The following CDH12 variants were observed in gnomAD, a reference collection of about 807,000 sequenced individuals.
CDH12 encodes the protein cadherin 12.
Under a neutral mutation model 74.1 loss-of-function variants are expected in CDH12, and 41 were observed. The observed-to-expected ratio is 0.55, with a 90% CI of 0.43 to 0.72. The LOEUF (loss-of-function observed/expected upper bound fraction) is 0.72. Ranked by LOEUF, CDH12 falls within the 30% of genes least tolerant of loss-of-function variation. CDH12 has a pLI of 0.00. For synonymous variants in CDH12, 399 were observed against 355.0 expected, an observed-to-expected ratio of 1.12 and a Z score of -1.39; for missense variants, 945 against 977.2, an observed-to-expected ratio of 0.97 and a Z score of 0.44.
chr5:22,812,553 A>G (rs996174512), intron 1 of CDH12, among the ~76,000 whole-genome samples: 1 of 152,178 alleles, frequency 6.6e-6, no homozygotes, highest in Non-Finnish European at 1.5e-5. Flanking sequence ...TGGCCCTGAC[A>G]GTATGTGACA....
At chr5:21,928,105 T>G (rs1361629112) in intron 6 of CDH12, among the ~76,000 whole-genome samples, 1 of 151,968 alleles carries the variant, frequency 6.6e-6, no homozygotes, top group African/African-American at 2.4e-5. Flanking sequence ...TGAAAACATT[T>G]GACTATGGTA....
In CDH12 at chr5:22,698,747, T is replaced by A. The variant is rs1250299563; in HGVS notation, c.-523+154311A>T. Among the ~76,000 whole-genome samples, 117 of 119,932 alleles carry A rather than the reference T, an allele frequency of 9.8e-4. 9 individuals carry two copies. Among genetic ancestry groups the A allele is most frequent in the African/African-American group, 2.8e-3 (88 of 31,050 alleles). The allele number at this position is 119,932 out of a possible 152,430, so 78.7% of individuals were successfully genotyped here. Reference sequence around the variant, plus strand: ...TATATATATATATAGTGTGTGTGTGTGTGTGTGTGTGTGTGTGTGTGTGAA... The same window carrying A: ...TATATATATATATAGTGTGTGTGTGAGTGTGTGTGTGTGTGTGTGTGTGAA... On this transcript the variant is annotated intron_variant, in intron 1 of 14. Coordinates refer to ENST00000382254, the MANE Select transcript of CDH12 (RefSeq NM_004061.5).
intron 9 of CDH12, among the ~76,000 whole-genome samples, chr5:21,805,416 C>T (rs1747376336): frequency 1.3e-5 from 2 of 152,084 alleles, no homozygotes; most frequent in Non-Finnish European, 2.9e-5. Flanking sequence ...GACCCCTGAC[C>T]TATAACAGCA....
At chr5:22,448,929 T>C (rs1035491606) in intron 2 of CDH12, among the ~76,000 whole-genome samples, 1 of 151,984 alleles carries the variant, frequency 6.6e-6, no homozygotes, top group African/African-American at 2.4e-5. Flanking sequence ...AGTGCAATTA[T>C]GTTAGTGTCA....
At chr5:22,510,468 A>T (rs184425386) in intron 1 of CDH12, among the ~76,000 whole-genome samples, 2 of 152,314 alleles carry the variant, frequency 1.3e-5, no homozygotes, top group East Asian at 3.9e-4. Flanking sequence ...AAAAGAACAG[A>T]CTTTTAAATA....
At chr5:22,117,492 T>TATATATAATATATATATA (rs1745223800) in intron 4 of CDH12, among the ~76,000 whole-genome samples, 15 of 73,688 alleles carry the variant, frequency 2.0e-4, no homozygotes, top group African/African-American at 9.4e-4. Flanking sequence ...ATATATATTA[T>TATATATAATATATATATA]ATATATATAA....
In CDH12 at chr5:22,581,145, G is replaced by A. The variant is rs891037558; in HGVS notation, c.-522-75781C>T. 2.0e-5 allele frequency among the ~76,000 whole-genome samples: 3 copies of A among 152,186 alleles called. No individual in the cohort carries two copies. The South Asian group carries it at 6.2e-4, about 32-fold the overall frequency. ...TCAAATATGAATCCCCAAGACAATG[G>A]GGAAAATGTTTCCAGGGCATGTCAG... On this transcript the variant is annotated intron_variant, in intron 1 of 14. Transcript: ENST00000382254.
chr5:22,733,045 T>C (rs543708592), intron 1 of CDH12, among the ~76,000 whole-genome samples: 57 of 152,112 alleles, frequency 3.7e-4, no homozygotes, highest in Admixed American at 3.2e-3. Context: ...AGGTGTATCA[T>C]GCCAAAACAA....
intron 3 of CDH12, among the ~76,000 whole-genome samples, chr5:22,298,588 T>G (rs910844808): frequency 4.6e-5 from 7 of 152,112 alleles, no homozygotes; most frequent in Admixed American, 3.3e-4. Flanking sequence ...TACATACAGC[T>G]TTTTTACATA....
At chr5:22,348,956 T>C (rs1015953518) in intron 3 of CDH12, among the ~76,000 whole-genome samples, 1 of 152,160 alleles carries the variant, frequency 6.6e-6, no homozygotes, top group African/African-American at 2.4e-5. Flanking sequence ...AAAATTCATA[T>C]GTTAAAATCC....
intron 1 of CDH12, among the ~76,000 whole-genome samples, chr5:22,613,462 G>A (rs1737520230): frequency 6.6e-6 from 1 of 151,910 alleles, no homozygotes; most frequent in African/African-American, 2.4e-5. Context: ...TACATTGAAA[G>A]TCAAAATGTT....
chr5:22,769,564 C>T (rs560680974), intron 1 of CDH12, among the ~76,000 whole-genome samples: 15 of 152,018 alleles, frequency 9.9e-5, no homozygotes, highest in Non-Finnish European at 2.1e-4. Context: ...CGTGGGACTT[C>T]GCCCTGTGAT....
intron 3 of CDH12, among the ~76,000 whole-genome samples, chr5:22,242,882 T>C (rs1441158828): frequency 2.0e-5 from 3 of 152,214 alleles, no homozygotes; most frequent in African/African-American, 7.2e-5. Flanking sequence ...TAAAGTCAAC[T>C]TCTTTTCTCT....
intron 3 of CDH12, among the ~76,000 whole-genome samples, chr5:22,375,030 C>T (rs1483488174): frequency 6.6e-6 from 1 of 151,966 alleles, no homozygotes; most frequent in East Asian, 1.9e-4. Flanking sequence ...AAGCTATAGG[C>T]ATCACACTAC....
intron 6 of CDH12, among the ~76,000 whole-genome samples, chr5:21,882,087 ATT>A (rs1752381782): frequency 6.6e-6 from 1 of 152,242 alleles, no homozygotes; most frequent in Admixed American, 6.5e-5. Flanking sequence ...TATTGCCAGT[ATT>A]TAATTAGAGC....
At chr5:22,171,644 A>G (rs1749035254) in intron 4 of CDH12, among the ~76,000 whole-genome samples, 1 of 151,984 alleles carries the variant, frequency 6.6e-6, no homozygotes, top group Non-Finnish European at 1.5e-5. Context: ...TAGGAAGGAC[A>G]CAGAAACATA....
At chr5:22,307,709 C>T (rs1350436634) in intron 3 of CDH12, among the ~76,000 whole-genome samples, 1 of 151,676 alleles carries the variant, frequency 6.6e-6, no homozygotes, top group Non-Finnish European at 1.5e-5. Context: ...GAAAAAGAGT[C>T]TTCTTGCATA....
rs545978141 is a variant in CDH12 at position 22,198,981 on chromosome 5, G to A, written c.-187+13517C>T. ...CACTAGAGAGATAGAGAGAGTGAAT[G>A]GTCTTTCAATAACCTCAAACTACAA... On this transcript the variant is annotated intron_variant, in intron 4 of 14. Transcript: ENST00000382254. Among the ~76,000 whole-genome samples the A allele has an allele frequency of 5.9e-5, 9 of 152,018 alleles. No homozygotes were observed. The Middle Eastern group carries it at 0.01, about 172-fold the overall frequency.
At chr5:22,554,962 T>C (rs1454292317) in intron 1 of CDH12, among the ~76,000 whole-genome samples, 4 of 152,112 alleles carry the variant, frequency 2.6e-5, no homozygotes, top group Non-Finnish European at 5.9e-5. Flanking sequence ...CAAAAAGCTG[T>C]TTACCCAAAG....
Sources: gnomAD v4.1 joint callset for allele counts (sites outside exome capture counted in the v4.1 genomes callset) on GRCh38, gnomAD v4.1.1 for gene constraint, MANE v1.5 for transcripts, NCBI Gene and HGNC (gene_info 2026-07-23, HGNC 2026-07-21) for gene names.